CSE1L: variants seen among roughly 807,000 people sequenced by gnomAD.
CSE1L encodes the protein chromosome segregation 1 like.
CSE1L carries 24 observed loss-of-function variants against 120.4 expected under a neutral mutation model. The observed-to-expected ratio is 0.20, with a 90% CI of 0.14 to 0.28. The LOEUF is 0.28. Among genes scored for constraint, CSE1L ranks in the 10% least tolerant of loss-of-function variants. The probability of loss-of-function intolerance (pLI) is 1.00; values close to 1 mark genes in which losing one functional copy is unlikely to be tolerated. For missense variants in CSE1L, 830 were observed against 1,145.2 expected (o/e 0.72, Z 3.97); for synonymous variants, 402 against 398.3 (o/e 1.01, Z -0.11).
chr20:49,087,556 A>G (rs988379713), intron 16 of CSE1L, among the ~76,000 whole-genome samples: 5 of 151,822 alleles, frequency 3.3e-5, no homozygotes, highest in Non-Finnish European at 7.4e-5. Flanking sequence ...GGGTTTTGCC[A>G]TGTTAGCCAG....
intron 1 of CSE1L, among the ~76,000 whole-genome samples, chr20:49,054,923 A>G (rs944914445): frequency 2.6e-5 from 4 of 152,028 alleles, no homozygotes; most frequent in African/African-American, 9.7e-5. Context: ...AGATACACAT[A>G]TTTTTCAAGG....
At chr20:49,065,775 G>T (rs2091887898) in intron 3 of CSE1L, among the ~76,000 whole-genome samples, 1 of 147,384 alleles carries the variant, frequency 6.8e-6, no homozygotes, top group African/African-American at 2.5e-5. Flanking sequence ...TGTATGTTTA[G>T]TAGAGACATG....
chr20:49,072,802 A>G, intron 10 of CSE1L, 105 bp downstream of exon 10: 1 of 1,137,106 alleles, frequency 8.8e-7, no homozygotes, highest in Non-Finnish European at 1.2e-6. Context: ...CTTGTATGTC[A>G]TTTATTTCTT....
intron 2 of CSE1L, among the ~76,000 whole-genome samples, chr20:49,060,155 A>G (rs979850472): frequency 4.0e-5 from 6 of 148,344 alleles, no homozygotes; most frequent in Non-Finnish European, 5.9e-5. Context: ...AGTGCACTCT[A>G]GCCTGGGTGA....
At chr20:49,060,077 G>A (rs1175947851) in intron 2 of CSE1L, among the ~76,000 whole-genome samples, 1 of 151,530 alleles carries the variant, frequency 6.6e-6, no homozygotes, top group Admixed American at 6.6e-5. Context: ...CCTAGCAACT[G>A]GGGAGGCTGA....
intron 14 of CSE1L, among the ~76,000 whole-genome samples, chr20:49,082,696 AT>A (rs1271218100): frequency 6.7e-6 from 1 of 149,714 alleles, no homozygotes; most frequent in Non-Finnish European, 1.5e-5. Context: ...TTTTTTTTGT[AT>A]TTTTTAGTAG....
At chr20:49,083,012 TTTTTTTTTTTCTTTTTTC>T (rs796143910) in intron 14 of CSE1L, among the ~76,000 whole-genome samples, 41 of 117,490 alleles carry the variant, frequency 3.5e-4, no homozygotes, top group African/African-American at 1.4e-3. Context: ...CCTTAACATC[TTTTTTTTTTTCTTTTTTC>T]TTTTTTTTTT....
rs566431913 is a variant in CSE1L at position 49,066,307 on chromosome 20, A to C, written c.330+14A>C. The C allele has an allele frequency of 1.2e-6, 2 of 1,614,148 alleles. No homozygotes were observed. Among genetic ancestry groups the C allele is most frequent in the Non-Finnish European group, 1.7e-6 (2 of 1,180,006 alleles). ...ATTCAGAAGCAGGTAATGTCGCTCC[A>C]CTTTTTAGATGGGCTCCTCTGTAAA... On this transcript the variant is annotated intron_variant, in intron 4 of 24. Transcript: ENST00000262982.
At chr20:49,068,238 CA>C (rs2091908325) in intron 6 of CSE1L, among the ~76,000 whole-genome samples, 1 of 152,066 alleles carries the variant, frequency 6.6e-6, no homozygotes, top group South Asian at 2.1e-4. Flanking sequence ...CCATTATGAA[CA>C]GTTCAAAAAT....
chr20:49,068,018 A>G (rs952149242), intron 6 of CSE1L, among the ~76,000 whole-genome samples: 1 of 138,464 alleles, frequency 7.2e-6, no homozygotes, highest in Non-Finnish European at 1.5e-5. Flanking sequence ...TTCTCCGAGT[A>G]CACTGGGATT....
intron 8 of CSE1L, among the ~76,000 whole-genome samples, chr20:49,071,276 GCT>G (rs1360207006): frequency 6.6e-6 from 1 of 152,160 alleles, no homozygotes; most frequent in Non-Finnish European, 1.5e-5. Context: ...AAAAGATGTA[GCT>G]CTCATAAAAT....
chr20:49,089,554 C>T lies in CSE1L; in HGVS notation c.1989C>T (p.Val663=), dbSNP rs959173237. 1 of 1,614,136 alleles carries T rather than the reference C, an allele frequency of 6.2e-7. No homozygotes were observed. ...QNDVQEFIPY[V]FQVMSLLLET... ...TATCAACAGAATTTATTCCATACGTCTTTCAAGTGATGTCTTTGCTTCTGG... is the reference window on the plus strand; with the variant it reads ...TATCAACAGAATTTATTCCATACGTTTTTCAAGTGATGTCTTTGCTTCTGG... The change falls in exon 19 of 25, where the codon GTC becomes GTT. Residue 663 remains valine, a synonymous_variant. Transcript: ENST00000262982.
chr20:49,095,608 C>CA (rs1427626929), intron 24 of CSE1L, among the ~76,000 whole-genome samples: 9 of 152,210 alleles, frequency 5.9e-5, no homozygotes, highest in African/African-American at 2.2e-4. Context: ...AGCCTGGACA[C>CA]AGTTATTTTT....
chr20:49,080,143 G>T (rs931317392), intron 14 of CSE1L, among the ~76,000 whole-genome samples: 1 of 152,092 alleles, frequency 6.6e-6, no homozygotes, highest in African/African-American at 2.4e-5. Flanking sequence ...TGGTAAATCT[G>T]GGGGCTTGAT....
intron 2 of CSE1L, among the ~76,000 whole-genome samples, chr20:49,061,408 G>A (rs897735990): frequency 2.1e-4 from 32 of 151,410 alleles, no homozygotes; most frequent in East Asian, 1.2e-3. Flanking sequence ...TCCTGACCTC[G>A]TGATCCACCC....
intron 1 of CSE1L, 46 bp from the exon 2 acceptor site, chr20:49,058,407 T>C: frequency 7.4e-7 from 1 of 1,343,794 alleles, no homozygotes; most frequent in Non-Finnish European, 1.0e-6. Context: ...TGTAAATCAC[T>C]TTTTCCGTAA....
rs535866973 is a variant in CSE1L at position 49,070,259 on chromosome 20, A to G, written c.730A>G (p.Thr244Ala). The change falls in exon 8 of 25, where the codon ACT (threonine) becomes GCT (alanine). Residue 244 changes from threonine (T) to alanine (A), a missense_variant. Physicochemically the swap from Thr to Ala is moderately conservative, Grantham distance 58 (BLOSUM62 0). Coordinates refer to ENST00000262982, the MANE Select transcript of CSE1L (RefSeq NM_001316.4). ...NMETWMNNFHTLLTLDNKLLQ... is the reference protein window; with the variant it reads ...NMETWMNNFHALLTLDNKLLQ... ...GGAAACTTGGATGAATAATTTTCAT[A>G]CTCTCTTAACATTGGATAATAAGCT... is the stretch of plus-strand genomic sequence containing the variant. The G allele has an allele frequency of 1.4e-5, 20 of 1,466,872 alleles. No homozygotes were observed. In the South Asian group the frequency reaches 2.4e-4, roughly 17 times the overall value. The allele number at this position is 1,466,872 out of a possible 1,614,324, so 90.9% of individuals were successfully genotyped here. A position where few individuals can be genotyped will look rare whatever the true frequency, so the allele number is the denominator to read the frequency against.
intron 24 of CSE1L, among the ~76,000 whole-genome samples, chr20:49,095,685 C>T (rs1449648202): frequency 2.0e-5 from 3 of 151,996 alleles, no homozygotes; most frequent in Non-Finnish European, 4.4e-5. Context: ...TGTATAGTTG[C>T]ATTTTGTCAG....
intron 15 of CSE1L, 121 bp downstream of exon 15, chr20:49,084,283 TTA>T (rs1423648246): frequency 9.9e-7 from 1 of 1,015,118 alleles, no homozygotes; most frequent in African/African-American, 1.6e-5. Context: ...TTCTATTCCT[TTA>T]TACTCTGTTT....
Sources: gnomAD v4.1 joint callset for allele counts (sites outside exome capture counted in the v4.1 genomes callset) on GRCh38, gnomAD v4.1.1 for gene constraint, MANE v1.5 for transcripts, NCBI Gene and HGNC (gene_info 2026-07-23, HGNC 2026-07-21) for gene names.